AGBL3: variants seen among roughly 807,000 people sequenced by gnomAD.
AGBL3 encodes AGBL carboxypeptidase 3, also known as cytosolic carboxypeptidase 3.
AGBL3 carries 68 observed loss-of-function variants against 94.5 expected under a neutral mutation model. The observed-to-expected ratio is 0.72, with a 90% CI of 0.59 to 0.88. AGBL3 has a LOEUF of 0.88. Among genes scored for constraint, AGBL3 ranks in the 40% least tolerant of loss-of-function variants. The pLI is 0.00. For synonymous variants in AGBL3, 354 were observed against 370.7 expected (o/e 0.95, Z 0.52); for missense variants, 934 against 1,103.8 (o/e 0.85, Z 2.18).
chr7:135,027,347 T>C (rs1404197009), intron 5 of AGBL3, among the ~76,000 whole-genome samples: 1 of 151,766 alleles, frequency 6.6e-6, no homozygotes, highest in African/African-American at 2.4e-5. Flanking sequence ...TGGCCTTTTA[T>C]GGTCTATTTG....
intron 5 of AGBL3, among the ~76,000 whole-genome samples, chr7:135,026,588 C>T (rs1317552383): frequency 6.6e-6 from 1 of 151,528 alleles, no homozygotes; most frequent in Non-Finnish European, 1.5e-5. Context: ...TCTTTTATAA[C>T]TAGGAAATAT....
chr7:135,075,700 A>G (rs1462348516), intron 12 of AGBL3, among the ~76,000 whole-genome samples: 1 of 152,220 alleles, frequency 6.6e-6, no homozygotes, highest in Non-Finnish European at 1.5e-5. Flanking sequence ...TCCCAAGAAC[A>G]GTTTATGAGT....
rs1167029504 is a variant in AGBL3 at position 135,135,336 on chromosome 7, A to G, written c.*75A>G. 20 of 1,293,014 alleles carry G rather than the reference A, an allele frequency of 1.5e-5. No homozygotes were observed. In the East Asian group the frequency reaches 5.2e-4, roughly 33 times the overall value. 80.1% of individuals were successfully genotyped at this position (1,293,014 alleles called of 1,614,324 possible). Reference sequence around the variant, plus strand: ...TATGTAGTAAAAAGAAAAAAAGGAAAGCCCTCCCCTTCCCCTTTCCCTATC... The same window carrying G: ...TATGTAGTAAAAAGAAAAAAAGGAAGGCCCTCCCCTTCCCCTTTCCCTATC... On this transcript the variant is annotated 3_prime_UTR_variant, in exon 17 of 17. Coordinates refer to ENST00000436302, the MANE Select transcript of AGBL3 (RefSeq NM_178563.4).
At chr7:135,103,965 A>G (rs1585133784) in intron 15 of AGBL3, among the ~76,000 whole-genome samples, 1 of 152,092 alleles carries the variant, frequency 6.6e-6, no homozygotes, top group Admixed American at 6.5e-5. Context: ...GGTACCCCAT[A>G]TAGGTAAACT....
In AGBL3 at chr7:135,059,167, AG is replaced by A. The variant is rs751949654; in HGVS notation, c.1842-1del. 1 of 1,549,180 alleles carries A rather than the reference AG, an allele frequency of 6.5e-7. No homozygotes were observed. Among genetic ancestry groups the A allele is most frequent in the Non-Finnish European group, 8.7e-7 (1 of 1,145,968 alleles). ...TATAAACCAAAATTATTTTTTTTGT[AG>A]TAGCCGAGGCTCTGACAGTTCAGAA... On this transcript the variant is annotated splice_acceptor_variant, in intron 11 of 16. Transcript: ENST00000436302. LOFTEE classifies it high-confidence loss of function.
At chr7:135,079,343 A>G (rs997111889) in intron 13 of AGBL3, among the ~76,000 whole-genome samples, 1 of 152,120 alleles carries the variant, frequency 6.6e-6, no homozygotes, top group African/African-American at 2.4e-5. Context: ...TGATTTTTAC[A>G]GTTTTCTCCC....
intron 16 of AGBL3, among the ~76,000 whole-genome samples, chr7:135,125,290 T>C (rs1222257972): frequency 6.6e-6 from 1 of 151,556 alleles, no homozygotes; most frequent in East Asian, 1.9e-4. Flanking sequence ...AACTAGAAAA[T>C]CTAGAAGAAA....
Position 135,135,309 on chromosome 7 carries a change from C to T in AGBL3, c.*48C>T, listed in dbSNP as rs1200336461. On this transcript the variant is annotated 3_prime_UTR_variant, in exon 17 of 17. Coordinates refer to ENST00000436302, the MANE Select transcript of AGBL3 (RefSeq NM_178563.4). ...AACTGTGAATGAAGGATAACATATG[C>T]TTATGTAGTAAAAAGAAAAAAAGGA... The T allele has an allele frequency of 1.4e-6, 2 of 1,386,572 alleles. No individual in the cohort carries two copies. Among genetic ancestry groups the T allele is most frequent in the Non-Finnish European group, 1.9e-6 (2 of 1,055,040 alleles). 85.9% of individuals were successfully genotyped at this position (1,386,572 alleles called of 1,614,324 possible). A position where few individuals can be genotyped will look rare whatever the true frequency, so the allele number is the denominator to read the frequency against.
intron 1 of AGBL3, among the ~76,000 whole-genome samples, chr7:134,987,104 C>T (rs966974497): frequency 7.9e-5 from 12 of 152,236 alleles, no homozygotes; most frequent in Non-Finnish European, 1.8e-4. Context: ...CTGAAGGTGT[C>T]ATCTATGAGA....
At chr7:135,011,274 T>C (rs1813119966) in intron 4 of AGBL3, 1 of 152,134 alleles carries the variant, frequency 6.6e-6, no homozygotes, top group African/African-American at 2.4e-5. Context: ...CCATTTTAAA[T>C]GGGTTATGGA....
intron 16 of AGBL3, among the ~76,000 whole-genome samples, chr7:135,116,525 G>A (rs944235459): frequency 6.6e-6 from 1 of 152,202 alleles, no homozygotes; most frequent in Non-Finnish European, 1.5e-5. Flanking sequence ...CCAATGGGGA[G>A]AGAAAGAGGT....
Position 135,135,308 on chromosome 7 carries a change from G to A in AGBL3, c.*47G>A. 2 of 1,387,374 alleles carry A rather than the reference G, an allele frequency of 1.4e-6. No homozygotes were observed. The highest frequency in any genetic ancestry group is 1.9e-6 in the Non-Finnish European group (2 of 1,055,848). The allele number at this position is 1,387,374 out of a possible 1,614,324, so 85.9% of individuals were successfully genotyped here. A position where few individuals can be genotyped will look rare whatever the true frequency, so the allele number is the denominator to read the frequency against. On this transcript the variant is annotated 3_prime_UTR_variant, in exon 17 of 17. Transcript: ENST00000436302. ...GAACTGTGAATGAAGGATAACATAT[G>A]CTTATGTAGTAAAAAGAAAAAAAGG...
At position 135,081,726 on chromosome 7, in the gene AGBL3, G is replaced by A; in HGVS notation, c.2046G>A (p.Arg682=). ...TQSNSDVKDT[R]PNEPDDYMVD... Reference sequence around the variant, plus strand: ...CTTTATCATCTTCTCTAGATACAAGGCCAAATGAACCAGATGATTATATGG... The same window carrying A: ...CTTTATCATCTTCTCTAGATACAAGACCAAATGAACCAGATGATTATATGG... Residue 682 remains arginine, a synonymous_variant, in exon 15 of 17, where the codon AGG becomes AGA. Transcript: ENST00000436302. 1 of 1,536,578 alleles carries A rather than the reference G, an allele frequency of 6.5e-7. No homozygotes were observed.
At chr7:135,111,836 A>T (rs1233010967) in intron 15 of AGBL3, among the ~76,000 whole-genome samples, 2 of 152,204 alleles carry the variant, frequency 1.3e-5, no homozygotes, top group Non-Finnish European at 2.9e-5. Context: ...CTCTACCTGC[A>T]GCTTCAACCA....
intron 6 of AGBL3, 82 bp downstream of exon 6, chr7:135,033,064 C>A: frequency 1.5e-6 from 2 of 1,317,060 alleles, no homozygotes; most frequent in Non-Finnish European, 2.0e-6. Context: ...TTCTTAGTAT[C>A]CATTATGAAA....
chr7:135,013,668 C>T (rs1427790437), intron 4 of AGBL3, among the ~76,000 whole-genome samples: 6 of 151,558 alleles, frequency 4.0e-5, no homozygotes, highest in Non-Finnish European at 7.4e-5. Flanking sequence ...AAGACACTTC[C>T]GCTGACAGTC....
In AGBL3 at chr7:135,070,641, T is replaced by C. The variant is rs540818054; in HGVS notation, c.1909-5756T>C. 6.6e-5 allele frequency among the ~76,000 whole-genome samples: 10 copies of C among 152,232 alleles called. No homozygotes were observed. The East Asian group carries it at 1.5e-3, about 24-fold the overall frequency. On this transcript the variant is annotated intron_variant, in intron 12 of 16. Coordinates refer to ENST00000436302, the MANE Select transcript of AGBL3 (RefSeq NM_178563.4). ...GACAAAAACCATATGATTATCTCAA[T>C]AGATGCAGAAAAGGCCTTTGACAAA... is the stretch of plus-strand genomic sequence containing the variant.
chr7:134,989,355 A>C, intron 3 of AGBL3, 45 bp downstream of exon 3: 1 of 1,322,886 alleles, frequency 7.6e-7, no homozygotes. Context: ...AAAACTTTGA[A>C]TGGATAAAAA....
intron 1 of AGBL3, 48 bp from the exon 2 acceptor site, chr7:134,987,827 G>C (rs1356744472): frequency 2.6e-6 from 2 of 772,218 alleles, no homozygotes; most frequent in Non-Finnish European, 4.3e-6. Context: ...ATTTAATGTA[G>C]TAAACACCTA....
Sources: gnomAD v4.1 joint callset for allele counts (sites outside exome capture counted in the v4.1 genomes callset) on GRCh38, gnomAD v4.1.1 for gene constraint, MANE v1.5 for transcripts, NCBI Gene and HGNC (gene_info 2026-07-23, HGNC 2026-07-21) for gene names.